The following NUP85 variants were observed in gnomAD, a reference collection of about 807,000 sequenced individuals.
NUP85 encodes nuclear pore complex protein Nup85.
In NUP85, 23 loss-of-function variants were observed where a neutral mutation model predicts 92.8. That is an observed-to-expected ratio of 0.25 (90% confidence interval 0.18 to 0.35). The LOEUF is 0.35. Ranked by LOEUF, NUP85 falls within the 10% of genes least tolerant of loss-of-function variation. The pLI is 1.00. For synonymous variants in NUP85, 314 were observed against 306.9 expected, an observed-to-expected ratio of 1.02 and a Z score of -0.24; for missense variants, 759 against 822.8, an observed-to-expected ratio of 0.92 and a Z score of 0.95.
intron 5 of NUP85, among the ~76,000 whole-genome samples, chr17:75,214,396 G>T (rs554745044): frequency 2.6e-5 from 4 of 152,272 alleles, no homozygotes; most frequent in South Asian, 4.1e-4. Flanking sequence ...TTATTTCGGG[G>T]TCTTATATTG....
intron 3 of NUP85, among the ~76,000 whole-genome samples, chr17:75,210,343 G>A (rs2075218662): frequency 1.3e-5 from 2 of 152,108 alleles, no homozygotes; most frequent in Admixed American, 6.6e-5. Context: ...AAAAAATTAT[G>A]GTTCAGACGT....
In NUP85 at chr17:75,225,818, T is replaced by G; in HGVS notation, c.976T>G (p.Tyr326Asp). The G allele has an allele frequency of 6.2e-7, 1 of 1,614,016 alleles. No individual in the cohort carries two copies. Among genetic ancestry groups the G allele is most frequent in the Middle Eastern group, 1.6e-4 (1 of 6,062 alleles). The change falls in exon 10 of 19, where the codon TAC becomes GAC. Residue 326 changes from tyrosine (Y) to aspartate (D), a missense_variant. Tyr to Asp is a radical substitution (Grantham distance 160). Transcript: ENST00000245544. ...NPTVKPIDLH[Y>D]YAQSSLDLFL... ...CACAGTAAAACCCATTGATCTGCAC[T>G]ACTATGCCCAGGTGAGTGAGCTCGG...
At chr17:75,220,151 G>A (rs984466522) in intron 7 of NUP85, among the ~76,000 whole-genome samples, 1 of 152,046 alleles carries the variant, frequency 6.6e-6, no homozygotes, top group African/African-American at 2.4e-5. Context: ...TTGAGACAGA[G>A]TCTCTCTCTG....
chr17:75,215,844 C>T (rs770470532), intron 6 of NUP85, 21 bp downstream of exon 6: 10 of 1,595,416 alleles, frequency 6.3e-6, no homozygotes, highest in Non-Finnish European at 8.6e-6. Flanking sequence ...AATATCTCAC[C>T]ATAATCTCAT....
chr17:75,221,327 T>A (rs1045759295), intron 7 of NUP85, among the ~76,000 whole-genome samples: 2 of 151,846 alleles, frequency 1.3e-5, no homozygotes, highest in Non-Finnish European at 2.9e-5. Flanking sequence ...TTAGTAGAGA[T>A]GGGGTTTTGC....
intron 1 of NUP85, 147 bp downstream of exon 1, chr17:75,205,941 T>C (rs1056878882): frequency 1.1e-6 from 1 of 935,650 alleles, no homozygotes; most frequent in African/African-American, 1.6e-5. Flanking sequence ...GAGGTCGCAG[T>C]GTTAACGAGG....
intron 5 of NUP85, among the ~76,000 whole-genome samples, chr17:75,215,302 TG>T (rs2075396865): frequency 6.6e-6 from 1 of 152,236 alleles, no homozygotes; most frequent in African/African-American, 2.4e-5. Context: ...CTCAACTTCC[TG>T]GGCTCAAGTG....
In NUP85 at chr17:75,226,062, C is replaced by A. The variant is rs1258354642; in HGVS notation, c.999C>A (p.Asp333Glu). 5 of 1,614,012 alleles carry A rather than the reference C, an allele frequency of 3.1e-6. No homozygotes were observed. Among genetic ancestry groups the A allele is most frequent in the Non-Finnish European group, 3.4e-6 (4 of 1,180,018 alleles). Residue 333 changes from aspartate to glutamate, a missense_variant, in exon 11 of 19, where the codon GAC becomes GAA. Physicochemically the swap from Asp to Glu is conservative, Grantham distance 45. Transcript: ENST00000245544. ...DLHYYAQSSL[D>E]LFLGGESSPE... ...TCACCTTTCCACAGTCCAGCCTGGA[C>A]CTGTTTCTGGGAGGTGAGAGCAGCC...
intron 16 of NUP85, 26 bp from the exon 17 acceptor site, chr17:75,234,611 T>C (rs778369261): frequency 6.2e-7 from 1 of 1,612,298 alleles, no homozygotes; most frequent in Non-Finnish European, 8.5e-7. Flanking sequence ...ATATGCAGGT[T>C]ACTCAGTGCT....
intron 5 of NUP85, among the ~76,000 whole-genome samples, chr17:75,213,609 A>T (rs903320044): frequency 6.6e-6 from 1 of 151,950 alleles, no homozygotes; most frequent in Admixed American, 6.6e-5. Flanking sequence ...TTCCGTTCTT[A>T]TGGAACATAT....
At chr17:75,209,740 C>T in intron 2 of NUP85, 83 bp from the exon 3 acceptor site, 2 of 1,209,540 alleles carry the variant, frequency 1.7e-6, no homozygotes, top group East Asian at 5.6e-5. Flanking sequence ...CCATGCCCGG[C>T]CACAGAAAAT....
At chr17:75,209,569 G>A (rs2075194542) in intron 2 of NUP85, among the ~76,000 whole-genome samples, 1 of 151,292 alleles carries the variant, frequency 6.6e-6, no homozygotes, top group African/African-American at 2.4e-5. Flanking sequence ...TCAGTCTCCT[G>A]AGTAGCTGGG....
intron 7 of NUP85, 25 bp downstream of exon 7, chr17:75,218,331 C>T (rs754308909): frequency 3.7e-6 from 6 of 1,611,356 alleles, no homozygotes; most frequent in Middle Eastern, 1.7e-4. Flanking sequence ...GCCCCCACCT[C>T]CCACCATGTG....
chr17:75,235,031 TGG>T, intron 17 of NUP85, 67 bp from the exon 18 acceptor site: 1 of 1,288,992 alleles, frequency 7.8e-7, no homozygotes, highest in Non-Finnish European at 1.1e-6. Flanking sequence ...CGTCCGAACA[TGG>T]GCCCCTGCCC....
chr17:75,205,953 G>A (rs570363228), intron 1 of NUP85, among the ~76,000 whole-genome samples, 159 bp downstream of exon 1: 1 of 151,908 alleles, frequency 6.6e-6, no homozygotes, highest in South Asian at 2.1e-4. Flanking sequence ...TTAACGAGGT[G>A]CCCGCCCTAG....
At chr17:75,219,381 A>G (rs1385696397) in intron 7 of NUP85, among the ~76,000 whole-genome samples, 2 of 151,866 alleles carry the variant, frequency 1.3e-5, no homozygotes, top group African/African-American at 4.8e-5. Context: ...GGCTCAAGCA[A>G]TCCTCCCACC....
Position 75,208,590 on chromosome 17 carries a change from C to G in NUP85, c.97C>G (p.Leu33Val), listed in dbSNP as rs1250182845. The change falls in exon 2 of 19, where the codon CTG (leucine) becomes GTG (valine). Residue 33 changes from leucine to valine, a missense_variant. By Grantham distance (32) the Leu-to-Val change is conservative (BLOSUM62 1). Transcript: ENST00000245544. ...MYFDWGPGEM[L>V]VCETSFNKKE... ...TTTTGACTGGGGTCCAGGGGAGATGCTGGTATGTGAAACCTCCTTCAACAA... is the reference window on the plus strand; with the variant it reads ...TTTTGACTGGGGTCCAGGGGAGATGGTGGTATGTGAAACCTCCTTCAACAA... The G allele has an allele frequency of 1.2e-6, 2 of 1,607,366 alleles. No individual in the cohort carries two copies. Among genetic ancestry groups the G allele is most frequent in the Admixed American group, 1.7e-5 (1 of 59,798 alleles).
At chr17:75,211,258 G>A (rs1188244583) in intron 3 of NUP85, among the ~76,000 whole-genome samples, 3 of 150,392 alleles carry the variant, frequency 2.0e-5, no homozygotes, top group Non-Finnish European at 3.0e-5. Flanking sequence ...CCACCTCAGC[G>A]TCCCAAAGTG....
intron 16 of NUP85, among the ~76,000 whole-genome samples, chr17:75,233,866 G>A (rs1456712068): frequency 3.9e-5 from 6 of 152,104 alleles, no homozygotes; most frequent in Non-Finnish European, 4.4e-5. Context: ...CCAAAGTGCT[G>A]GGATTACAGG....
Sources: allele counts gnomAD v4.1 joint callset (sites outside exome capture counted in the v4.1 genomes callset), GRCh38; gene constraint gnomAD v4.1.1; transcripts MANE v1.5; gene names NCBI Gene and HGNC (gene_info 2026-07-23, HGNC 2026-07-21).